The following CASQ2 variants were observed in gnomAD, a reference collection of about 807,000 sequenced individuals.
The protein encoded by CASQ2 is calsequestrin-2.
A neutral mutation model predicts 46.5 loss-of-function variants in CASQ2; 49 were observed. The ratio of observed to expected loss-of-function variants is 1.05; its 90% CI spans 0.84 to 1.34. The LOEUF (loss-of-function observed/expected upper bound fraction) is 1.34. CASQ2 is among the 40% of genes most tolerant of loss of function. The probability of loss-of-function intolerance (pLI) is 0.00; values close to 1 mark genes in which losing one functional copy is unlikely to be tolerated. For missense variants in CASQ2, 486 were observed against 481.3 expected (o/e 1.01, Z -0.09); for synonymous variants, 174 against 168.5 (o/e 1.03, Z -0.25).
chr1:115,752,932 G>T (rs1648632054), intron 1 of CASQ2, among the ~76,000 whole-genome samples: 1 of 152,164 alleles, frequency 6.6e-6, no homozygotes, highest in Non-Finnish European at 1.5e-5. Context: ...ACGTGCAGGT[G>T]GTGCTACAAG....
At chr1:115,752,797 T>C (rs778032262) in intron 1 of CASQ2, among the ~76,000 whole-genome samples, 9 of 152,062 alleles carry the variant, frequency 5.9e-5, no homozygotes, top group Non-Finnish European at 1.0e-4. Context: ...TGGATCTGAG[T>C]GCGTAGAGCA....
chr1:115,718,804 G>A (rs1647263449), intron 7 of CASQ2, among the ~76,000 whole-genome samples: 1 of 152,176 alleles, frequency 6.6e-6, no homozygotes, highest in Non-Finnish European at 1.5e-5. Context: ...TATGCCTTGT[G>A]TCTCCTTTGC....
At chr1:115,760,775 C>T (rs1393554562) in intron 1 of CASQ2, among the ~76,000 whole-genome samples, 2 of 152,156 alleles carry the variant, frequency 1.3e-5, no homozygotes, top group Admixed American at 1.3e-4. Context: ...TTGAGAACTA[C>T]TACAATCGAC....
chr1:115,745,486 G>A (rs910023251), intron 1 of CASQ2, among the ~76,000 whole-genome samples: 2 of 152,042 alleles, frequency 1.3e-5, no homozygotes, highest in African/African-American at 2.4e-5. Context: ...CAGGGGTTCG[G>A]CTCCAAAGGC....
At chr1:115,703,589 G>C (rs765044114) in intron 9 of CASQ2, among the ~76,000 whole-genome samples, 7 of 152,082 alleles carry the variant, frequency 4.6e-5, no homozygotes, top group Non-Finnish European at 8.8e-5. Context: ...AATCAGAATA[G>C]TCTGAAGATT....
Position 115,756,819 on chromosome 1 carries a change from C to T in CASQ2, c.234+11489G>A, listed in dbSNP as rs1193455578. 3.3e-5 allele frequency among the ~76,000 whole-genome samples: 5 copies of T among 152,144 alleles called. No homozygotes were observed. In the East Asian group the frequency reaches 9.7e-4, roughly 30 times the overall value. On this transcript the variant is annotated intron_variant, in intron 1 of 10. Coordinates refer to ENST00000261448, the MANE Select transcript of CASQ2 (RefSeq NM_001232.4). ...AAAATTAGCTGGGCAGGGTGGCACACGCCTGTAGTCTCAGCTACTCAGGAG... is the reference window on the plus strand; with the variant it reads ...AAAATTAGCTGGGCAGGGTGGCACATGCCTGTAGTCTCAGCTACTCAGGAG...
At chr1:115,727,160 A>G (rs772347454) in intron 5 of CASQ2, 38 bp from the exon 6 acceptor site, 9 of 1,487,664 alleles carry the variant, frequency 6.0e-6, no homozygotes, top group South Asian at 1.1e-5. Context: ...TTATTTGAAT[A>G]CTAGTCTAGA....
At chr1:115,751,347 T>C (rs1470264382) in intron 1 of CASQ2, among the ~76,000 whole-genome samples, 1 of 151,960 alleles carries the variant, frequency 6.6e-6, no homozygotes, top group East Asian at 1.9e-4. Context: ...GGCCTTGTGA[T>C]TTAAGGAGGT....
chr1:115,730,034 G>C (rs969938248), intron 5 of CASQ2, among the ~76,000 whole-genome samples: 2 of 152,174 alleles, frequency 1.3e-5, no homozygotes, highest in Non-Finnish European at 2.9e-5. Context: ...TGTTCTAACT[G>C]CTTCTTCAGA....
At chr1:115,734,836 C>A (rs1647902653) in intron 4 of CASQ2, among the ~76,000 whole-genome samples, 4 of 152,170 alleles carry the variant, frequency 2.6e-5, no homozygotes, top group Admixed American at 2.0e-4. Context: ...CAGTTAGAAA[C>A]CCTGACCAGA....
At chr1:115,749,632 G>A (rs1557801724) in intron 1 of CASQ2, among the ~76,000 whole-genome samples, 1 of 152,170 alleles carries the variant, frequency 6.6e-6, no homozygotes, top group Non-Finnish European at 1.5e-5. Flanking sequence ...TGTGGTCACT[G>A]CCGCCAGTCC....
At chr1:115,738,907 G>A (rs1159348719) in intron 3 of CASQ2, among the ~76,000 whole-genome samples, 3 of 150,016 alleles carry the variant, frequency 2.0e-5, no homozygotes, top group Non-Finnish European at 4.4e-5. Flanking sequence ...CCTGCTTTTG[G>A]CAACTACTCT....
intron 5 of CASQ2, among the ~76,000 whole-genome samples, chr1:115,729,146 T>G (rs1282246048): frequency 6.7e-6 from 1 of 149,504 alleles, no homozygotes. Flanking sequence ...GCTTCCCAGG[T>G]TCGAGCGATT....
chr1:115,764,115 T>C (rs1557808076), intron 1 of CASQ2, among the ~76,000 whole-genome samples: 1 of 151,704 alleles, frequency 6.6e-6, no homozygotes, highest in East Asian at 1.9e-4. Flanking sequence ...AAAAAATACA[T>C]AAATGGCAAA....
chr1:115,767,050 A>G (rs1649161291), intron 1 of CASQ2, among the ~76,000 whole-genome samples: 1 of 152,178 alleles, frequency 6.6e-6, no homozygotes, highest in African/African-American at 2.4e-5. Context: ...CATATAGGGG[A>G]GAATCCTTAT....
In CASQ2 at chr1:115,723,092, C is replaced by T. The variant is rs138365075; in HGVS notation, c.783+2416G>A. On this transcript the variant is annotated intron_variant, in intron 7 of 10. Transcript: ENST00000261448. ...AAAGAAAAAGAAAGAGAAACATAGGCAAATGTAAGTGTGGAATCCTGGATT... is the reference window on the plus strand; with the variant it reads ...AAAGAAAAAGAAAGAGAAACATAGGTAAATGTAAGTGTGGAATCCTGGATT... Among the ~76,000 whole-genome samples the T allele has an allele frequency of 5.3e-5, 8 of 152,002 alleles. No homozygotes were observed. The East Asian group carries it at 1.5e-3, about 29-fold the overall frequency.
chr1:115,755,074 T>C (rs1648713104), intron 1 of CASQ2, among the ~76,000 whole-genome samples: 1 of 152,258 alleles, frequency 6.6e-6, no homozygotes, highest in South Asian at 2.1e-4. Context: ...GCTGTGGCTC[T>C]TCCAGTCTCT....
At chr1:115,714,586 C>G (rs1353357017) in intron 8 of CASQ2, among the ~76,000 whole-genome samples, 1 of 152,170 alleles carries the variant, frequency 6.6e-6, no homozygotes. Context: ...CCATGTCTAA[C>G]TTGTTAGCAA....
rs375598471 is a variant in CASQ2 at position 115,738,281 on chromosome 1, C to G, written c.475G>C (p.Glu159Gln). Residue 159 changes from glutamate (E) to glutamine (Q), a missense_variant, in exon 4 of 11, where the codon GAA becomes CAA. Physicochemically the swap from Glu to Gln is conservative, Grantham distance 29. Coordinates refer to ENST00000261448, the MANE Select transcript of CASQ2 (RefSeq NM_001232.4). ...AGTTTGATGTAGTCTTCAATGCGTT[C>G]GAAGGCTTGGACTTCCAGTTTGCTG... ...ISSKLEVQAF[E>Q]RIEDYIKLIG... is the part of the protein sequence containing the mutation. 6.2e-6 allele frequency: 10 copies of G among 1,614,018 alleles called. No individual in the cohort carries two copies. Among genetic ancestry groups the G allele is most frequent in the Non-Finnish European group, 8.5e-6 (10 of 1,179,878 alleles).
Sources: gnomAD v4.1 joint callset for allele counts (sites outside exome capture counted in the v4.1 genomes callset) on GRCh38, gnomAD v4.1.1 for gene constraint, MANE v1.5 for transcripts, NCBI Gene and HGNC (gene_info 2026-07-23, HGNC 2026-07-21) for gene names.